The following SLCO3A1 variants were observed in gnomAD, a reference collection of about 807,000 sequenced individuals.
The protein encoded by SLCO3A1 is PGE1 transporter.
SLCO3A1 carries 27 observed loss-of-function variants against 63.1 expected under a neutral mutation model. The observed-to-expected ratio is 0.43, with a 90% CI of 0.32 to 0.59. The LOEUF (loss-of-function observed/expected upper bound fraction) is 0.59. SLCO3A1 is among the 20% of genes least tolerant of loss of function. The pLI is 0.09. For missense variants in SLCO3A1, 773 were observed against 945.8 expected (o/e 0.82, Z 2.40); for synonymous variants, 473 against 409.9 (o/e 1.15, Z -1.86).
chr15:92,165,020 A>G lies in SLCO3A1; in HGVS notation c.*1885A>G. 8 of 984,610 alleles carry G rather than the reference A, an allele frequency of 8.1e-6. No homozygotes were observed. Among genetic ancestry groups the G allele is most frequent in the Non-Finnish European group, 9.6e-6 (8 of 829,356 alleles). The allele number at this position is 984,610 out of a possible 1,614,324, so 61.0% of individuals were successfully genotyped here. On this transcript the variant is annotated 3_prime_UTR_variant, in exon 10 of 10. Coordinates refer to ENST00000318445, the MANE Select transcript of SLCO3A1 (RefSeq NM_013272.4). ...CACATTTGCATTTTACCCACAAGGCAAACAAAAGAATCAGGAAGTAAAAAA... is the reference window on the plus strand; with the variant it reads ...CACATTTGCATTTTACCCACAAGGCGAACAAAAGAATCAGGAAGTAAAAAA...
intron 3 of SLCO3A1, among the ~76,000 whole-genome samples, chr15:92,101,300 G>C (rs1047450256): frequency 2.6e-5 from 4 of 152,130 alleles, no homozygotes; most frequent in African/African-American, 9.7e-5. Flanking sequence ...CCTGAGGTCA[G>C]GAGTTCAAGA....
intron 3 of SLCO3A1, chr15:92,097,942 C>A (rs1425881055): frequency 1.3e-5 from 2 of 152,216 alleles, no homozygotes; most frequent in Non-Finnish European, 2.9e-5. Flanking sequence ...CTTTTCCTTG[C>A]TTTCCTAAAA....
At chr15:92,161,156 C>T (rs1596159175) in intron 9 of SLCO3A1, among the ~76,000 whole-genome samples, 1 of 152,198 alleles carries the variant, frequency 6.6e-6, no homozygotes, top group Non-Finnish European at 1.5e-5. Context: ...CTCCTGCAGT[C>T]TGTCACTGAA....
At chr15:91,893,902 A>G (rs1897937736) in intron 1 of SLCO3A1, among the ~76,000 whole-genome samples, 1 of 152,252 alleles carries the variant, frequency 6.6e-6, no homozygotes, top group East Asian at 1.9e-4. Flanking sequence ...GGTAGGGAAC[A>G]GATGATTGAA....
intron 2 of SLCO3A1, among the ~76,000 whole-genome samples, chr15:92,013,353 C>G (rs149474842): frequency 6.6e-6 from 1 of 152,194 alleles, no homozygotes; most frequent in African/African-American, 2.4e-5. Flanking sequence ...TGCGGCCAAA[C>G]GCCTCTGATG....
chr15:92,086,385 A>G (rs2099816676), intron 2 of SLCO3A1, among the ~76,000 whole-genome samples: 1 of 152,098 alleles, frequency 6.6e-6, no homozygotes, highest in South Asian at 2.1e-4. Flanking sequence ...ATTTTCTTAT[A>G]TCTTATTGTT....
intron 3 of SLCO3A1, among the ~76,000 whole-genome samples, chr15:92,096,211 A>G (rs1302406566): frequency 1.3e-5 from 2 of 152,126 alleles, no homozygotes. Flanking sequence ...GGCCCACAGG[A>G]GGGGACTACC....
rs200942672 is a variant in SLCO3A1, at chr15:91,857,511, A to ATCTCT, written c.180+3423_180+3424insTCTCT. Among the ~76,000 whole-genome samples, 571 of 152,314 alleles carry ATCTCT rather than the reference A, an allele frequency of 3.7e-3. 4 individuals are homozygous for ATCTCT. Among genetic ancestry groups the ATCTCT allele is most frequent in the African/African-American group, 0.013 (550 of 41,566 alleles). On this transcript the variant is annotated intron_variant, in intron 1 of 9. Coordinates refer to ENST00000318445, the MANE Select transcript of SLCO3A1 (RefSeq NM_013272.4). The stretch of plus-strand genomic sequence containing the variant: ...TCATTTTGTATGGAACAGAGAATGC[A>ATCTCT]ATTTAATTTTCTTCTACTTGGGTTT...
chr15:91,994,750 A>C lies in SLCO3A1; in HGVS notation c.646+78292A>C, dbSNP rs536901672. ...TTTTGAGGATTAAATGAGATAATGC[A>C]TGAAAGCCCTCTAGCTTGGGCATCA... On this transcript the variant is annotated intron_variant, in intron 2 of 9. Transcript: ENST00000318445. Among the ~76,000 whole-genome samples, 3 of 152,358 alleles carry C rather than the reference A, an allele frequency of 2.0e-5. No individual in the cohort carries two copies. In the South Asian group the frequency reaches 6.2e-4, roughly 32 times the overall value.
At chr15:92,026,227 A>G (rs2046572517) in intron 2 of SLCO3A1, among the ~76,000 whole-genome samples, 1 of 151,910 alleles carries the variant, frequency 6.6e-6, no homozygotes, top group South Asian at 2.1e-4. Flanking sequence ...CTTGGGTGTG[A>G]CCTCCCAATT....
chr15:91,908,940 A>T (rs937568581), intron 1 of SLCO3A1, among the ~76,000 whole-genome samples: 8 of 152,232 alleles, frequency 5.3e-5, no homozygotes, highest in African/African-American at 1.9e-4. Context: ...GGGTGCCTGT[A>T]ATCCCAGCTA....
At chr15:91,987,765 A>G (rs1392287426) in intron 2 of SLCO3A1, among the ~76,000 whole-genome samples, 1 of 150,848 alleles carries the variant, frequency 6.6e-6, no homozygotes. Flanking sequence ...AAAGATAATA[A>G]TAATTAATTG....
At chr15:92,108,853 C>CT (rs2047696013) in intron 4 of SLCO3A1, among the ~76,000 whole-genome samples, 1 of 152,100 alleles carries the variant, frequency 6.6e-6, no homozygotes, top group Non-Finnish European at 1.5e-5. Flanking sequence ...GTACCTGCCC[C>CT]TGTGTACCCG....
At position 91,897,044 on chromosome 15, in the gene SLCO3A1, C is replaced by T. The variant is rs1036924492; in HGVS notation, c.181-18949C>T. On this transcript the variant is annotated intron_variant, in intron 1 of 9. Coordinates refer to ENST00000318445, the MANE Select transcript of SLCO3A1 (RefSeq NM_013272.4). This position sits in a 1 kb window ranked among gnomAD's most constrained non-coding sequence, Gnocchi z 4.7. ...TCACTTTTGTGATCTTTAGTTGCCT[C>T]TAGAAAATGGAGATGATAATGCCAT... 6.6e-6 allele frequency among the ~76,000 whole-genome samples: 1 copy of T among 152,244 alleles called. No homozygotes were observed. Among genetic ancestry groups the T allele is most frequent in the South Asian group, 2.1e-4 (1 of 4,830 alleles).
At chr15:91,955,120 C>G (rs1900125875) in intron 2 of SLCO3A1, among the ~76,000 whole-genome samples, 1 of 152,110 alleles carries the variant, frequency 6.6e-6, no homozygotes, top group South Asian at 2.1e-4. Flanking sequence ...ACAAACATTC[C>G]CACCTTCAGT....
In SLCO3A1 at chr15:92,164,136, C is replaced by G. The variant is rs886672268; in HGVS notation, c.*1001C>G. The G allele has an allele frequency of 1.0e-6, 1 of 982,518 alleles. No homozygotes were observed. The highest frequency in any genetic ancestry group is 1.7e-5 in the African/African-American group (1 of 57,178). 60.9% of individuals were successfully genotyped at this position (982,518 alleles called of 1,614,324 possible). A position where few individuals can be genotyped will look rare whatever the true frequency, so the allele number is the denominator to read the frequency against. On this transcript the variant is annotated 3_prime_UTR_variant, in exon 10 of 10. Transcript: ENST00000318445. Reference sequence around the variant, plus strand: ...TAAAATCTGTGTTAACCCTTCAAGTCACTAACACAGTTCTCTAGGCCGGAT... The same window carrying G: ...TAAAATCTGTGTTAACCCTTCAAGTGACTAACACAGTTCTCTAGGCCGGAT...
intron 2 of SLCO3A1, among the ~76,000 whole-genome samples, chr15:92,064,027 G>A (rs2047118811): frequency 6.6e-6 from 1 of 152,156 alleles, no homozygotes; most frequent in Admixed American, 6.5e-5. Flanking sequence ...TTACTCTGAG[G>A]TTATCAGTGA....
chr15:92,036,363 T>C (rs530780303), intron 2 of SLCO3A1, among the ~76,000 whole-genome samples: 1 of 136,830 alleles, frequency 7.3e-6, no homozygotes, highest in African/African-American at 3.0e-5. Flanking sequence ...GGTTTTCTTT[T>C]TTTTTTTTTT....
intron 2 of SLCO3A1, among the ~76,000 whole-genome samples, chr15:92,016,446 C>T (rs907111102): frequency 2.0e-5 from 3 of 152,060 alleles, no homozygotes; most frequent in African/African-American, 7.2e-5. Flanking sequence ...AGCCACTGAG[C>T]CCAGCCTGAA....
Sources: gnomAD v4.1 joint callset for allele counts (sites outside exome capture counted in the v4.1 genomes callset) on GRCh38, gnomAD v4.1.1 for gene constraint, Gnocchi (gnomAD v3.1) non-coding constraint, MANE v1.5 for transcripts, NCBI Gene and HGNC (gene_info 2026-07-23, HGNC 2026-07-21) for gene names.